ESR1: variants seen among roughly 807,000 people sequenced by gnomAD.
ESR1 encodes the protein estrogen receptor 1.
A neutral mutation model predicts 52.7 loss-of-function variants in ESR1; 12 were observed. The observed-to-expected ratio is 0.23, with a 90% CI of 0.15 to 0.37. ESR1 has a LOEUF of 0.37. ESR1 is among the 10% of genes least tolerant of loss of function. ESR1 has a pLI of 1.00. For synonymous variants in ESR1, 305 were observed against 316.8 expected (o/e 0.96, Z 0.39); for missense variants, 584 against 779.7 (o/e 0.75, Z 2.99).
intron 2 of ESR1, among the ~76,000 whole-genome samples, chr6:151,754,636 C>T (rs1038936916): frequency 4.6e-5 from 7 of 152,272 alleles, no homozygotes; most frequent in Admixed American, 2.0e-4. Context: ...AGACCTCCCT[C>T]GACCCGGCTT....
At chr6:151,705,224 T>A (rs1357125932) in intron 2 of ESR1, among the ~76,000 whole-genome samples, 1 of 152,164 alleles carries the variant, frequency 6.6e-6, no homozygotes, top group African/African-American at 2.4e-5. Flanking sequence ...ATTAGCTGAC[T>A]AATAATTTTA....
chr6:151,881,364 G>A (rs541443910), intron 3 of ESR1, among the ~76,000 whole-genome samples: 33 of 152,262 alleles, frequency 2.2e-4, no homozygotes, highest in Non-Finnish European at 4.6e-4. Context: ...GAGCATGCAT[G>A]GTTTGTGACT....
intron 2 of ESR1, among the ~76,000 whole-genome samples, chr6:151,742,781 C>G (rs1783193149): frequency 6.6e-6 from 1 of 152,152 alleles, no homozygotes; most frequent in Admixed American, 6.5e-5. Context: ...CGTCATTACA[C>G]TTAGAATAGG....
At position 152,098,856 on chromosome 6, in the gene ESR1, G is replaced by A. The variant is rs745984515; in HGVS notation, c.1678G>A (p.Val560Met). Residue 560 changes from valine to methionine, a missense_variant, in exon 8 of 8, where the codon GTG becomes ATG. Val to Met is a conservative substitution (Grantham distance 21). Transcript: ENST00000206249. The surrounding 1 kb of genome is among the most constrained non-coding windows in gnomAD (Gnocchi z 5.1). ...GCCCACTAGCCGTGGAGGGGCATCC[G>A]TGGAGGAGACGGACCAAAGCCACTT... is the stretch of plus-strand genomic sequence containing the variant. ...HAPTSRGGAS[V>M]EETDQSHLAT... The A allele has an allele frequency of 4.2e-5, 67 of 1,614,088 alleles. 2 individuals carry two copies. Among genetic ancestry groups the A allele is most frequent in the South Asian group, 3.1e-4 (28 of 91,084 alleles).
intron 2 of ESR1, among the ~76,000 whole-genome samples, chr6:151,763,175 AT>A (rs1159953950): frequency 6.6e-6 from 1 of 151,654 alleles, no homozygotes; most frequent in Non-Finnish European, 1.5e-5. Flanking sequence ...CACCTATGTA[AT>A]TTCCAAATTA....
intron 6 of ESR1, among the ~76,000 whole-genome samples, chr6:152,114,657 C>T (rs903678618): frequency 6.6e-5 from 10 of 151,780 alleles, no homozygotes; most frequent in South Asian, 2.1e-4. Context: ...TTTGGGAGGC[C>T]GAGGCGGGCG....
At chr6:151,854,979 T>C (rs535154324) in intron 2 of ESR1, among the ~76,000 whole-genome samples, 2 of 152,350 alleles carry the variant, frequency 1.3e-5, no homozygotes, top group African/African-American at 4.8e-5. Context: ...AGTGGTGCGA[T>C]CTTGGCTCAT....
chr6:151,689,426 C>T (rs2982572), upstream of ESR1, among the ~76,000 whole-genome samples: 59,149 of 152,026 alleles, frequency 0.39, 11,860 homozygotes, highest in Non-Finnish European at 0.43. Flanking sequence ...AAATACTTTA[C>T]ATATTAACTA....
At position 151,854,177 on chromosome 6, in the gene ESR1, G is replaced by A. The variant is rs9340818; in HGVS notation, c.643+11390G>A. Among the ~76,000 whole-genome samples, 556 of 152,296 alleles carry A rather than the reference G, an allele frequency of 3.7e-3. 5 individuals carry two copies. Among genetic ancestry groups the A allele is most frequent in the Middle Eastern group, 0.031 (9 of 294 alleles). On this transcript the variant is annotated intron_variant, in intron 2 of 7. Transcript: ENST00000206249. The stretch of plus-strand genomic sequence containing the variant: ...TTAAGCTATATACTACACTATGTCA[G>A]CACTATATAGGTTATCTTGTAACCT...
At chr6:151,742,659 T>G (rs1051653260) in intron 2 of ESR1, among the ~76,000 whole-genome samples, 2 of 152,236 alleles carry the variant, frequency 1.3e-5, no homozygotes, top group African/African-American at 2.4e-5. Context: ...GTTACTGCCA[T>G]ATAAAAAGTG....
chr6:151,810,640 G>A (rs1778672343), intron 1 of ESR1, among the ~76,000 whole-genome samples: 1 of 152,130 alleles, frequency 6.6e-6, no homozygotes, highest in South Asian at 2.1e-4. Flanking sequence ...AGTGAGTCTA[G>A]AATATTTTTT....
At chr6:151,903,219 T>C (rs1696142583) in intron 3 of ESR1, among the ~76,000 whole-genome samples, 1 of 152,242 alleles carries the variant, frequency 6.6e-6, no homozygotes, top group African/African-American at 2.4e-5. Context: ...TAGAATTCCC[T>C]GGAAGTCATC....
chr6:151,745,765 A>G (rs979098111), intron 2 of ESR1, among the ~76,000 whole-genome samples: 83 of 152,246 alleles, frequency 5.5e-4, no homozygotes, highest in African/African-American at 1.9e-3. Flanking sequence ...AAAAACATAA[A>G]ATATACATTT....
chr6:151,813,173 A>G (rs1450748422), intron 1 of ESR1: 8 of 152,184 alleles, frequency 5.3e-5, no homozygotes, highest in African/African-American at 2.4e-5. Flanking sequence ...AAAGTTTTGC[A>G]GTAATCAACA....
At chr6:152,054,214 T>A (rs552352352) in intron 5 of ESR1, among the ~76,000 whole-genome samples, 4 of 152,280 alleles carry the variant, frequency 2.6e-5, no homozygotes, top group African/African-American at 9.6e-5. Context: ...GGAAGATATT[T>A]TCTTCCCTTA....
chr6:151,819,003 T>C (rs572165846), intron 1 of ESR1, among the ~76,000 whole-genome samples: 1 of 152,290 alleles, frequency 6.6e-6, no homozygotes, highest in East Asian at 1.9e-4. Context: ...TAACTATTAC[T>C]CCAAGAAGCT....
chr6:151,863,060 C>T (rs1032637965), intron 2 of ESR1, among the ~76,000 whole-genome samples: 1 of 152,162 alleles, frequency 6.6e-6, no homozygotes, highest in Non-Finnish European at 1.5e-5. Context: ...TCTACAGTCT[C>T]TTGTAGTATA....
chr6:151,949,363 G>T (rs1417580706), intron 4 of ESR1, among the ~76,000 whole-genome samples: 1 of 152,202 alleles, frequency 6.6e-6, no homozygotes. Flanking sequence ...ATTCTGGGAG[G>T]TTCCTGTAGA....
At chr6:152,105,668 C>T (rs908116904), downstream of ESR1, among the ~76,000 whole-genome samples, 6 of 151,934 alleles carry the variant, frequency 3.9e-5, no homozygotes, top group South Asian at 2.1e-4. Flanking sequence ...TCAAGTGATC[C>T]GCCTGCCTCA....
Sources: gnomAD v4.1 joint callset for allele counts (sites outside exome capture counted in the v4.1 genomes callset) on GRCh38, gnomAD v4.1.1 for gene constraint, Gnocchi (gnomAD v3.1) non-coding constraint, MANE v1.5 for transcripts, NCBI Gene and HGNC (gene_info 2026-07-23, HGNC 2026-07-21) for gene names.